Variants in BORCS7 observed in about 807,000 individuals in gnomAD.
BORCS7 encodes the protein BLOC-1-related complex subunit 7.
BORCS7 carries 20 observed loss-of-function variants against 17.5 expected under a neutral mutation model. The ratio of observed to expected loss-of-function variants is 1.14; its 90% confidence interval spans 0.80 to 1.66. BORCS7 has a LOEUF of 1.66. Among genes scored for constraint, BORCS7 ranks in the 40% most tolerant of loss-of-function variants. The probability of loss-of-function intolerance (pLI) is 0.00; values close to 1 mark genes in which losing one functional copy is unlikely to be tolerated. For missense variants in BORCS7, 122 were observed against 129.7 expected, an observed-to-expected ratio of 0.94 and a Z score of 0.29; for synonymous variants, 57 against 49.8, an observed-to-expected ratio of 1.14 and a Z score of -0.61.
Position 102,854,283 on chromosome 10 carries a change from T to G in BORCS7, c.-4T>G, listed in dbSNP as rs201323817. 2 of 1,605,904 alleles carry G rather than the reference T, an allele frequency of 1.2e-6. No individual in the cohort carries two copies. Among genetic ancestry groups the G allele is most frequent in the East Asian group, 2.2e-5 (1 of 44,698 alleles). ...CGTCAGTGCGCAACCGTTCGCTAAC[T>G]GAAATGATGGCGACTGGAACGCCAG... On this transcript the variant is annotated 5_prime_UTR_variant, in exon 1 of 5. Coordinates refer to ENST00000339834, the MANE Select transcript of BORCS7 (RefSeq NM_001136200.2).
Position 102,860,553 on chromosome 10 carries a change from C to T in BORCS7, c.248+12C>T. The T allele has an allele frequency of 4.3e-6, 7 of 1,610,080 alleles. No homozygotes were observed. The highest frequency in any genetic ancestry group is 6.0e-6 in the Non-Finnish European group (7 of 1,176,418). Reference sequence around the variant, plus strand: ...CATCTTCAATACCAGTGAGTATGCCCCCTCCAGCAACTATTTGCTGCAGAA... The same window carrying T: ...CATCTTCAATACCAGTGAGTATGCCTCCTCCAGCAACTATTTGCTGCAGAA... On this transcript the variant is annotated intron_variant, in intron 3 of 4. Transcript: ENST00000339834.
chr10:102,857,357 G>A (rs574066021), intron 1 of BORCS7, among the ~76,000 whole-genome samples: 1 of 152,250 alleles, frequency 6.6e-6, no homozygotes, highest in African/African-American at 2.4e-5. Flanking sequence ...GAAGTAGATT[G>A]TTGGAACCCT....
chr10:102,862,248 G>T (rs1398507201), intron 4 of BORCS7, 68 bp downstream of exon 4: 1 of 1,468,920 alleles, frequency 6.8e-7, no homozygotes, highest in African/African-American at 1.4e-5. Flanking sequence ...TATACTGCTG[G>T]GTCCAGAATC....
At position 102,860,710 on chromosome 10, in the gene BORCS7, G is replaced by A; in HGVS notation, c.248+169G>A. 5.8e-6 allele frequency: 4 copies of A among 686,064 alleles called. No homozygotes were observed. In the Admixed American group the frequency reaches 9.7e-5, roughly 17 times the overall value. 42.5% of individuals were successfully genotyped at this position (686,064 alleles called of 1,614,324 possible). A position where few individuals can be genotyped will look rare whatever the true frequency, so the allele number is the denominator to read the frequency against. ...AAAGATGCCTGAGACTACAGAAGAAGTGGGGGTAAAGGATGAGAATCAGGA... is the reference window on the plus strand; with the variant it reads ...AAAGATGCCTGAGACTACAGAAGAAATGGGGGTAAAGGATGAGAATCAGGA... On this transcript the variant is annotated intron_variant, in intron 3 of 4. Coordinates refer to ENST00000339834, the MANE Select transcript of BORCS7 (RefSeq NM_001136200.2).
chr10:102,855,619 C>G (rs890014791), intron 1 of BORCS7, among the ~76,000 whole-genome samples: 1 of 152,140 alleles, frequency 6.6e-6, no homozygotes, highest in African/African-American at 2.4e-5. Flanking sequence ...AACTAAATCC[C>G]TCTACTTGGG....
chr10:102,861,683 C>T (rs1844522668), intron 3 of BORCS7, among the ~76,000 whole-genome samples: 1 of 151,800 alleles, frequency 6.6e-6, no homozygotes, highest in Admixed American at 6.6e-5. Context: ...GGCACCACTC[C>T]ACTGCATCCT....
At chr10:102,862,121 TC>T (rs1214192171) in intron 3 of BORCS7, 38 bp from the exon 4 acceptor site, 1 of 1,569,062 alleles carries the variant, frequency 6.4e-7, no homozygotes, top group Non-Finnish European at 8.8e-7. Context: ...ACTTATTAGT[TC>T]ACTTATGTGT....
At chr10:102,860,299 TTTGA>T in intron 1 of BORCS7, 29 bp from the exon 2 acceptor site, 1 of 1,601,714 alleles carries the variant, frequency 6.2e-7, no homozygotes, top group Non-Finnish European at 8.5e-7. Flanking sequence ...GTTTGGGAAT[TTTGA>T]TTATTACCAT....
intron 1 of BORCS7, among the ~76,000 whole-genome samples, chr10:102,855,518 TAAA>T (rs1433975723): frequency 6.6e-6 from 1 of 152,160 alleles, no homozygotes; most frequent in Admixed American, 6.6e-5. Flanking sequence ...ATTTCATGTG[TAAA>T]AAACTCATTC....
Position 102,864,734 on chromosome 10 carries a change from G to A in BORCS7, c.*1810G>A, listed in dbSNP as rs1008643445. On this transcript the variant is annotated 3_prime_UTR_variant, in exon 5 of 5. Coordinates refer to ENST00000339834, the MANE Select transcript of BORCS7 (RefSeq NM_001136200.2). The stretch of plus-strand genomic sequence containing the variant: ...CAGAAATGTTAGAACAGGTGGAAAT[G>A]TATACATTATTTGATGGTTTGTTTT... 1 of 152,080 alleles carries A rather than the reference G, an allele frequency of 6.6e-6. No homozygotes were observed. The highest frequency in any genetic ancestry group is 1.5e-5 in the Non-Finnish European group (1 of 67,984). 9.4% of individuals were successfully genotyped at this position (152,080 alleles called of 1,614,324 possible).
At chr10:102,861,053 CTCT>C (rs1844510639) in intron 3 of BORCS7, among the ~76,000 whole-genome samples, 1 of 152,152 alleles carries the variant, frequency 6.6e-6, no homozygotes, top group Non-Finnish European at 1.5e-5. Flanking sequence ...TTATAATTTG[CTCT>C]TCATCTTATT....
chr10:102,861,730 AAAAAAC>A (rs976541953), intron 3 of BORCS7, among the ~76,000 whole-genome samples: 9 of 152,124 alleles, frequency 5.9e-5, no homozygotes, highest in Non-Finnish European at 8.8e-5. Context: ...AAAAAAAACA[AAAAAAC>A]AAAAACAAAA....
chr10:102,854,567 G>GC, intron 1 of BORCS7, 140 bp downstream of exon 1: 2 of 1,073,664 alleles, frequency 1.9e-6, no homozygotes, highest in South Asian at 1.7e-5. Context: ...TCGCGGAGGC[G>GC]CGTGTTGCAT....
At chr10:102,856,114 G>T (rs758762477) in intron 1 of BORCS7, among the ~76,000 whole-genome samples, 4 of 152,176 alleles carry the variant, frequency 2.6e-5, no homozygotes, top group Non-Finnish European at 5.9e-5. Context: ...TGGGGAGAGA[G>T]CCTGTGAGGA....
At chr10:102,857,835 A>T (rs980989019) in intron 1 of BORCS7, among the ~76,000 whole-genome samples, 2 of 152,190 alleles carry the variant, frequency 1.3e-5, no homozygotes, top group African/African-American at 4.8e-5. Flanking sequence ...GTATTGCTGC[A>T]GATAACCCTC....
At chr10:102,861,599 C>G (rs577486692) in intron 3 of BORCS7, among the ~76,000 whole-genome samples, 1 of 151,968 alleles carries the variant, frequency 6.6e-6, no homozygotes, top group African/African-American at 2.4e-5. Flanking sequence ...CACCTGTAAT[C>G]CCAGCTACTC....
At chr10:102,861,432 A>G (rs1844519143) in intron 3 of BORCS7, among the ~76,000 whole-genome samples, 1 of 144,724 alleles carries the variant, frequency 6.9e-6, no homozygotes, top group South Asian at 2.2e-4. Flanking sequence ...AAAAAAAAAA[A>G]GAGGCTGGGC....
At position 102,863,117 on chromosome 10, in the gene BORCS7, C is replaced by T. The variant is rs913376368; in HGVS notation, c.*193C>T. The T allele has an allele frequency of 4.1e-5, 20 of 484,004 alleles. No homozygotes were observed. In the Admixed American group the frequency reaches 4.1e-4, roughly 10 times the overall value. 30.0% of individuals were successfully genotyped at this position (484,004 alleles called of 1,614,324 possible). The stretch of plus-strand genomic sequence containing the variant: ...TTGGGAGGCCGAGGCGGGTGGATCA[C>T]GAGGTCAGGAGTTCGAGACCAGCCT... On this transcript the variant is annotated 3_prime_UTR_variant, in exon 5 of 5. Transcript: ENST00000339834.
chr10:102,864,182 C>T lies in BORCS7; in HGVS notation c.*1258C>T, dbSNP rs1247520863. On this transcript the variant is annotated 3_prime_UTR_variant, in exon 5 of 5. Transcript: ENST00000339834. ...ACATAAGAAAATATTGTTTTCACTGCAGGAATAAAGAGGAAGTAACAGTGA... is the reference window on the plus strand; with the variant it reads ...ACATAAGAAAATATTGTTTTCACTGTAGGAATAAAGAGGAAGTAACAGTGA... The T allele has an allele frequency of 2.0e-5, 3 of 151,994 alleles. No homozygotes were observed. The highest frequency in any genetic ancestry group is 7.2e-5 in the African/African-American group (3 of 41,380). 9.4% of individuals were successfully genotyped at this position (151,994 alleles called of 1,614,324 possible). A position where few individuals can be genotyped will look rare whatever the true frequency, so the allele number is the denominator to read the frequency against.
Sources: allele counts gnomAD v4.1 joint callset (sites outside exome capture counted in the v4.1 genomes callset), GRCh38; gene constraint gnomAD v4.1.1; transcripts MANE v1.5; gene names NCBI Gene and HGNC (gene_info 2026-07-23, HGNC 2026-07-21).